The following PTPRD variants were observed in gnomAD, a reference collection of about 807,000 sequenced individuals.
The protein encoded by PTPRD is protein tyrosine phosphatase receptor type D.
PTPRD carries 34 observed loss-of-function variants against 214.5 expected under a neutral mutation model. That is an observed-to-expected ratio of 0.16 (90% CI 0.12 to 0.21). PTPRD has a LOEUF of 0.21. Among genes scored for constraint, PTPRD ranks in the 10% least tolerant of loss-of-function variants. The pLI is 1.00. For missense variants in PTPRD, 2,545 were observed against 2,398.7 expected, an observed-to-expected ratio of 1.06 and a Z score of -1.27; for synonymous variants, 1,128 against 845.7, an observed-to-expected ratio of 1.33 and a Z score of -5.79.
At chr9:8,361,699 T>G (rs1240850197) in intron 39 of PTPRD, among the ~76,000 whole-genome samples, 1 of 152,226 alleles carries the variant, frequency 6.6e-6, no homozygotes, top group Non-Finnish European at 1.5e-5. Context: ...TAACAAACAC[T>G]GCCTGGAATG....
intron 11 of PTPRD, among the ~76,000 whole-genome samples, chr9:8,744,299 T>C (rs2092516438): frequency 1.3e-5 from 2 of 152,156 alleles, no homozygotes; most frequent in South Asian, 4.1e-4. Flanking sequence ...CACTACTAAG[T>C]ATCTACCTAG....
At chr9:10,170,915 C>T (rs2099199737) in intron 3 of PTPRD, among the ~76,000 whole-genome samples, 1 of 152,014 alleles carries the variant, frequency 6.6e-6, no homozygotes, top group Non-Finnish European at 1.5e-5. Context: ...CAAGAACACA[C>T]CCTCATTACT....
Position 10,278,968 on chromosome 9 carries a change from G to A in PTPRD, c.-545+61995C>T, listed in dbSNP as rs145460261. ...TTTTTGTATTTTTAGTAGAGACGGG[G>A]CTTCACCGTGTTAGCCAGGATGATC... On this transcript the variant is annotated intron_variant, in intron 3 of 45. Coordinates refer to ENST00000381196, the MANE Select transcript of PTPRD (RefSeq NM_002839.4). Among the ~76,000 whole-genome samples, 290 of 152,108 alleles carry A rather than the reference G, an allele frequency of 1.9e-3. 1 individual carries two copies. Among genetic ancestry groups the A allele is most frequent in the African/African-American group, 6.7e-3 (278 of 41,496 alleles).
At chr9:10,100,726 C>A (rs542570760) in intron 3 of PTPRD, among the ~76,000 whole-genome samples, 1 of 151,446 alleles carries the variant, frequency 6.6e-6, no homozygotes, top group African/African-American at 2.4e-5. Flanking sequence ...ATATTGAGCA[C>A]CTCGTAAGTG....
At chr9:10,316,027 G>C (rs1395943955) in intron 3 of PTPRD, among the ~76,000 whole-genome samples, 1 of 151,398 alleles carries the variant, frequency 6.6e-6, no homozygotes, top group Admixed American at 6.6e-5. Context: ...CACAAAGTGA[G>C]CTGAACATAG....
chr9:9,880,074 G>T (rs1489194636), intron 5 of PTPRD, among the ~76,000 whole-genome samples: 4 of 152,126 alleles, frequency 2.6e-5, no homozygotes, highest in Admixed American at 2.6e-4. Context: ...AAGTGTCCAG[G>T]GAGGGAGGTG....
chr9:10,305,521 T>C (rs1458452269), intron 3 of PTPRD, among the ~76,000 whole-genome samples: 2 of 151,678 alleles, frequency 1.3e-5, no homozygotes, highest in African/African-American at 4.8e-5. Flanking sequence ...AGTCTATCCA[T>C]CTGACAAAGG....
intron 33 of PTPRD, among the ~76,000 whole-genome samples, chr9:8,459,585 T>G (rs989302475): frequency 6.6e-6 from 1 of 152,030 alleles, no homozygotes; most frequent in Admixed American, 6.6e-5. Context: ...ATGTCCTCTA[T>G]CTAACTGACT....
chr9:9,105,042 A>G (rs1441595554), intron 10 of PTPRD, among the ~76,000 whole-genome samples: 8 of 152,248 alleles, frequency 5.3e-5, no homozygotes, highest in African/African-American at 1.4e-4. Flanking sequence ...TCCTGCCAAC[A>G]GCCTCAGATA....
At chr9:9,344,460 G>GT (rs2048053488) in intron 9 of PTPRD, among the ~76,000 whole-genome samples, 1 of 151,734 alleles carries the variant, frequency 6.6e-6, no homozygotes, top group Non-Finnish European at 1.5e-5. Context: ...AAAACTACAT[G>GT]TTCAGCACAT....
chr9:9,759,014 A>C (rs1322298756), intron 6 of PTPRD, among the ~76,000 whole-genome samples: 2 of 152,198 alleles, frequency 1.3e-5, no homozygotes, highest in Non-Finnish European at 2.9e-5. Flanking sequence ...GTGGTGTTTA[A>C]AGAAAAAAAG....
chr9:8,494,026 AC>A lies in PTPRD; in HGVS notation c.2350-1048del, dbSNP rs564802735. ...CACACAGACACACACACACACACAC[AC>A]ACACACACACACAGCAATATAAAAA... On this transcript the variant is annotated intron_variant, in intron 26 of 45. Coordinates refer to ENST00000381196, the MANE Select transcript of PTPRD (RefSeq NM_002839.4). 8.6e-5 allele frequency among the ~76,000 whole-genome samples: 13 copies of A among 151,496 alleles called. No individual in the cohort carries two copies. The South Asian group carries it at 2.5e-3, about 29-fold the overall frequency.
chr9:10,455,227 G>GT (rs1227869252), intron 2 of PTPRD, among the ~76,000 whole-genome samples: 8 of 151,404 alleles, frequency 5.3e-5, no homozygotes, highest in East Asian at 1.9e-4. Context: ...CTTTCCAATT[G>GT]TTTTTTTCTT....
chr9:9,449,572 C>T (rs1056291568), intron 8 of PTPRD, among the ~76,000 whole-genome samples: 4 of 151,908 alleles, frequency 2.6e-5, no homozygotes, highest in African/African-American at 7.2e-5. Flanking sequence ...TCATTTGAGT[C>T]CTCCAGCAGA....
chr9:9,854,197 T>A (rs189353377), intron 5 of PTPRD, among the ~76,000 whole-genome samples: 4 of 152,314 alleles, frequency 2.6e-5, no homozygotes, highest in Admixed American at 2.6e-4. Flanking sequence ...TAATTTACTA[T>A]TTTGTGCAAT....
In PTPRD at chr9:10,543,853, G is replaced by A. The variant is rs552326249; in HGVS notation, c.-600+68545C>T. 2.0e-5 allele frequency among the ~76,000 whole-genome samples: 3 copies of A among 152,276 alleles called. No individual in the cohort carries two copies. In the East Asian group the frequency reaches 5.8e-4, roughly 29 times the overall value. The stretch of plus-strand genomic sequence containing the variant: ...GAAACATAAAATACAGATAGGGTTT[G>A]AACCATATCTCAGAGGTATATCCAA... On this transcript the variant is annotated intron_variant, in intron 2 of 45. Coordinates refer to ENST00000381196, the MANE Select transcript of PTPRD (RefSeq NM_002839.4).
chr9:8,986,708 T>C (rs1319853273), intron 11 of PTPRD, among the ~76,000 whole-genome samples: 1 of 152,050 alleles, frequency 6.6e-6, no homozygotes, highest in Non-Finnish European at 1.5e-5. Flanking sequence ...TATGCTCACT[T>C]TTTAGCCTGA....
At chr9:9,171,490 T>G (rs1246024393) in intron 10 of PTPRD, among the ~76,000 whole-genome samples, 1 of 151,672 alleles carries the variant, frequency 6.6e-6, no homozygotes, top group Non-Finnish European at 1.5e-5. Context: ...ATGCGGGAAG[T>G]GATTGAAGGG....
chr9:8,373,433 C>CA (rs2082127855), intron 39 of PTPRD, among the ~76,000 whole-genome samples: 1 of 151,988 alleles, frequency 6.6e-6, no homozygotes, highest in African/African-American at 2.4e-5. Context: ...TTTCTTCCAC[C>CA]AATATACCTA....
Sources: gnomAD v4.1 joint callset for allele counts (sites outside exome capture counted in the v4.1 genomes callset) on GRCh38, gnomAD v4.1.1 for gene constraint, MANE v1.5 for transcripts, NCBI Gene and HGNC (gene_info 2026-07-23, HGNC 2026-07-21) for gene names.